Variants in SIDT1 observed in about 807,000 individuals in gnomAD.
SIDT1 encodes SID1 transmembrane family, member 1.
Under a neutral mutation model 107.5 loss-of-function variants are expected in SIDT1, and 101 were observed. The observed-to-expected ratio is 0.94, with a 90% confidence interval of 0.80 to 1.11. The LOEUF (loss-of-function observed/expected upper bound fraction) is 1.11. Ranked by LOEUF, SIDT1 falls within the 50% of genes least tolerant of loss-of-function variation. The probability of loss-of-function intolerance (pLI) is 0.00; values close to 1 mark genes in which losing one functional copy is unlikely to be tolerated. For missense variants in SIDT1, 1,076 were observed against 1,058.2 expected, an observed-to-expected ratio of 1.02 and a Z score of -0.23; for synonymous variants, 395 against 398.2, an observed-to-expected ratio of 0.99 and a Z score of 0.10.
chr3:113,541,086 C>T (rs1001249352), intron 1 of SIDT1, among the ~76,000 whole-genome samples: 3 of 151,186 alleles, frequency 2.0e-5, no homozygotes, highest in Non-Finnish European at 4.4e-5. Flanking sequence ...TGTCTTCCTT[C>T]TAACCAACTG....
At chr3:113,634,649 A>C in the SIDT1 span, among the ~76,000 whole-genome samples, 1 of 151,504 alleles carries the variant, frequency 6.6e-6, no homozygotes, top group South Asian at 2.1e-4. Flanking sequence ...TACAAAAAAA[A>C]TAAAAATAGC....
At chr3:113,609,785 A>G (rs900767685) in intron 17 of SIDT1, among the ~76,000 whole-genome samples, 1 of 152,230 alleles carries the variant, frequency 6.6e-6, no homozygotes, top group African/African-American at 2.4e-5. Context: ...GATATCATTC[A>G]CCACTCAGAA....
At chr3:113,606,492 C>G (rs1009981803) in intron 14 of SIDT1, 3 of 152,236 alleles carry the variant, frequency 2.0e-5, no homozygotes, top group Non-Finnish European at 4.4e-5. Flanking sequence ...GGTTTGAGCA[C>G]CACTGTTTAT....
intron 17 of SIDT1, among the ~76,000 whole-genome samples, chr3:113,609,210 G>T (rs144687035): frequency 0.012 from 1,786 of 151,736 alleles, 43 homozygotes; most frequent in East Asian, 0.078. Context: ...CTACTGGTGC[G>T]CACCACCACG....
At chr3:113,604,851 A>G in intron 13 of SIDT1, 59 bp from the exon 14 acceptor site, 2 of 1,588,684 alleles carry the variant, frequency 1.3e-6, no homozygotes, top group East Asian at 4.5e-5. Flanking sequence ...AAAAATATTA[A>G]CCAAAGACTC....
the SIDT1 span, among the ~76,000 whole-genome samples, chr3:113,635,434 C>T: frequency 6.6e-6 from 1 of 152,196 alleles, no homozygotes. Flanking sequence ...CTGTGCTGGC[C>T]TCATGGATCA....
chr3:113,579,556 C>G lies in SIDT1; in HGVS notation c.562-1052C>G, dbSNP rs967065942. ...TTATAAGATGTGAATAGACTTCCAA[C>G]TGTATCATTAATGACACTCTTTAAT... On this transcript the variant is annotated intron_variant, in intron 4 of 24. Coordinates refer to ENST00000264852, the MANE Select transcript of SIDT1 (RefSeq NM_017699.3). 2.0e-5 allele frequency among the ~76,000 whole-genome samples: 3 copies of G among 152,270 alleles called. No homozygotes were observed. In the East Asian group the frequency reaches 5.8e-4, roughly 29 times the overall value.
chr3:113,624,462 C>T (rs745483297), intron 23 of SIDT1, among the ~76,000 whole-genome samples: 2 of 152,106 alleles, frequency 1.3e-5, no homozygotes, highest in Admixed American at 6.5e-5. Context: ...AAAAATATTC[C>T]GTTGTACTGA....
chr3:113,553,563 C>T (rs1343296808), intron 1 of SIDT1, among the ~76,000 whole-genome samples: 2 of 152,148 alleles, frequency 1.3e-5, no homozygotes, highest in South Asian at 2.1e-4. Flanking sequence ...TTTCAATCCC[C>T]TCACAGGAGT....
chr3:113,533,286 G>C, intron 1 of SIDT1, 43 bp downstream of exon 1: 2 of 1,352,916 alleles, frequency 1.5e-6, no homozygotes, highest in Non-Finnish European at 1.9e-6. Flanking sequence ...GAACTTGCCA[G>C]ATCTCAGAGC....
chr3:113,561,184 C>A lies in SIDT1; in HGVS notation c.223-5236C>A, dbSNP rs146610927. ...CTTTCTTCGCTGCTGCAAATGTGAT[C>A]CAATTTTCTCAGCTGCATATTAGCC... On this transcript the variant is annotated intron_variant, in intron 1 of 24. Coordinates refer to ENST00000264852, the MANE Select transcript of SIDT1 (RefSeq NM_017699.3). 1.2e-3 allele frequency among the ~76,000 whole-genome samples: 177 copies of A among 152,232 alleles called. 1 individual carries two copies. Among genetic ancestry groups the A allele is most frequent in the African/African-American group, 4.1e-3 (169 of 41,530 alleles).
intron 1 of SIDT1, among the ~76,000 whole-genome samples, chr3:113,541,720 T>C (rs1938894103): frequency 6.6e-6 from 1 of 152,190 alleles, no homozygotes; most frequent in African/African-American, 2.4e-5. Flanking sequence ...AAGGTCTGTT[T>C]AGCTGGATAT....
chr3:113,533,420 G>C (rs1457822037), intron 1 of SIDT1, among the ~76,000 whole-genome samples, 177 bp downstream of exon 1: 1 of 152,178 alleles, frequency 6.6e-6, no homozygotes, highest in Non-Finnish European at 1.5e-5. Flanking sequence ...ACACGCCTCG[G>C]GGACAACTCT....
At position 113,616,123 on chromosome 3, in the gene SIDT1, G is replaced by T; in HGVS notation, c.1990G>T (p.Ala664Ser). 2 of 1,613,956 alleles carry T rather than the reference G, an allele frequency of 1.2e-6. No individual in the cohort carries two copies. Among genetic ancestry groups the T allele is most frequent in the Non-Finnish European group, 1.7e-6 (2 of 1,179,848 alleles). ...KIDLGIFRRA[A>S]MVFYTDCIQQ... Reference sequence around the variant, plus strand: ...AGATTTGGGAATTTTCCGGCGGGCTGCCATGGTGTTCTACACAGACTGTAT... The same window carrying T: ...AGATTTGGGAATTTTCCGGCGGGCTTCCATGGTGTTCTACACAGACTGTAT... The change falls in exon 20 of 25, where the codon GCC (alanine) becomes TCC (serine). Residue 664 changes from alanine (A) to serine (S), a missense_variant. Coordinates refer to ENST00000264852, the MANE Select transcript of SIDT1 (RefSeq NM_017699.3).
At chr3:113,548,891 C>CA (rs967831959) in intron 1 of SIDT1, among the ~76,000 whole-genome samples, 8 of 152,168 alleles carry the variant, frequency 5.3e-5, no homozygotes, top group African/African-American at 1.4e-4. Flanking sequence ...GTCCGTGTCA[C>CA]AAAAAACTAT....
At chr3:113,553,961 C>T (rs970889783) in intron 1 of SIDT1, among the ~76,000 whole-genome samples, 5 of 152,276 alleles carry the variant, frequency 3.3e-5, no homozygotes, top group East Asian at 1.9e-4. Context: ...GCAGGAGAAT[C>T]GCTTGAACCC....
chr3:113,568,631 A>AAAAGAAAAG (rs1560049080), intron 3 of SIDT1, among the ~76,000 whole-genome samples: 1 of 140,698 alleles, frequency 7.1e-6, no homozygotes, highest in Non-Finnish European at 1.6e-5. Flanking sequence ...GAAAAGAAAA[A>AAAAGAAAAG]AAACAGAAAT....
intron 13 of SIDT1, 141 bp from the exon 14 acceptor site, chr3:113,604,769 A>T: frequency 2.3e-6 from 2 of 862,778 alleles, no homozygotes; most frequent in Non-Finnish European, 3.7e-6. Context: ...CTGGAGAAAC[A>T]AGAACCACAT....
rs965470222 is a variant in SIDT1 at position 113,592,897 on chromosome 3, T to A, written c.1002-108T>A. On this transcript the variant is annotated intron_variant, in intron 9 of 24. Coordinates refer to ENST00000264852, the MANE Select transcript of SIDT1 (RefSeq NM_017699.3). The stretch of plus-strand genomic sequence containing the variant: ...CACCGCACCTGGCCCCAAAGACATG[T>A]TTTGAAGAGATCCTAGTAGACAAAT... The A allele has an allele frequency of 8.0e-5, 74 of 928,476 alleles. 1 individual carries two copies. In the Admixed American group the frequency reaches 1.2e-3, roughly 16 times the overall value. The allele number at this position is 928,476 out of a possible 1,614,324, so 57.5% of individuals were successfully genotyped here.
Sources: gnomAD v4.1 joint callset for allele counts (sites outside exome capture counted in the v4.1 genomes callset) on GRCh38, gnomAD v4.1.1 for gene constraint, MANE v1.5 for transcripts, NCBI Gene and HGNC (gene_info 2026-07-23, HGNC 2026-07-21) for gene names.